Variants in AP3B1 observed in about 807,000 individuals in gnomAD.
AP3B1 encodes adaptor related protein complex 3 subunit beta 1.
In AP3B1, 61 loss-of-function variants were observed where a neutral mutation model predicts 132.5. That is an observed-to-expected ratio of 0.46 (90% CI 0.37 to 0.57). The LOEUF (loss-of-function observed/expected upper bound fraction) is 0.57, where lower values mean the gene tolerates loss of function less well. AP3B1 is among the 20% of genes least tolerant of loss of function. The pLI, the probability that AP3B1 is intolerant of heterozygous loss-of-function variation, is 0.00. For missense variants in AP3B1, 1,120 were observed against 1,289.4 expected, an observed-to-expected ratio of 0.87 and a Z score of 2.01; for synonymous variants, 388 against 438.3, an observed-to-expected ratio of 0.89 and a Z score of 1.43.
Position 78,039,157 on chromosome 5 carries a change from T to C in AP3B1, c.2695A>G (p.Met899Val). The C allele has an allele frequency of 6.2e-7, 1 of 1,613,756 alleles. No individual in the cohort carries two copies. Among genetic ancestry groups the C allele is most frequent in the Non-Finnish European group, 8.5e-7 (1 of 1,179,676 alleles). Residue 899 changes from methionine (M) to valine (V), a missense_variant, in exon 23 of 27, where the codon ATG (methionine) becomes GTG (valine). Physicochemically the swap from Met to Val is conservative, Grantham distance 21. Around this residue, in one of 3 missense-constraint regions of AP3B1, gnomAD observed 906 missense variants for 997.1 expected, o/e 0.91. Transcript: ENST00000255194. Reference protein sequence around the residue: ...PRQPCIFGDKMVSIQITLNNT... With the variant: ...PRQPCIFGDKVVSIQITLNNT... ...TTCAGTGTTATTTGTATAGAGACCATCTTATCACCAAAAATGCAAGGCTGT... is the reference window on the plus strand; with the variant it reads ...TTCAGTGTTATTTGTATAGAGACCACCTTATCACCAAAAATGCAAGGCTGT...
At position 78,133,038 on chromosome 5, in the gene AP3B1, T is replaced by C. The variant is rs573236711; in HGVS notation, c.1651-3731A>G. On this transcript the variant is annotated intron_variant, in intron 15 of 26. Coordinates refer to ENST00000255194, the MANE Select transcript of AP3B1 (RefSeq NM_003664.5). ...GACAGGACTATTCAGTCTTTACTCCTGCACATATTTCACCTATAACCAACC... is the reference window on the plus strand; with the variant it reads ...GACAGGACTATTCAGTCTTTACTCCCGCACATATTTCACCTATAACCAACC... Among the ~76,000 whole-genome samples, 7 of 152,344 alleles carry C rather than the reference T, an allele frequency of 4.6e-5. No individual in the cohort carries two copies. The East Asian group carries it at 7.7e-4, about 17-fold the overall frequency.
At chr5:78,007,042 AT>A (rs1425312463) in intron 26 of AP3B1, among the ~76,000 whole-genome samples, 1 of 152,266 alleles carries the variant, frequency 6.6e-6, no homozygotes, top group Non-Finnish European at 1.5e-5. Flanking sequence ...TTTGAAAAAA[AT>A]CTAATATCTA....
intron 15 of AP3B1, among the ~76,000 whole-genome samples, chr5:78,135,540 TTAAATAAA>T (rs3050114): frequency 0.29 from 43,224 of 151,174 alleles, 6,512 homozygotes; most frequent in Admixed American, 0.39. Flanking sequence ...ACATCTTACA[TTAAATAAA>T]TAAATAAATA....
intron 1 of AP3B1, among the ~76,000 whole-genome samples, chr5:78,271,337 C>T (rs151292615): frequency 0.013 from 1,923 of 152,280 alleles, 48 homozygotes; most frequent in African/African-American, 0.044. Context: ...AGGATAATTG[C>T]TTGAATCTGG....
At chr5:78,102,493 T>C (rs188728029) in intron 20 of AP3B1, among the ~76,000 whole-genome samples, 1 of 152,122 alleles carries the variant, frequency 6.6e-6, no homozygotes, top group Non-Finnish European at 1.5e-5. Context: ...TGTCCCTCTC[T>C]CCATTTCTCA....
intron 22 of AP3B1, among the ~76,000 whole-genome samples, chr5:78,044,801 G>T (rs1748251102): frequency 6.6e-6 from 1 of 152,096 alleles, no homozygotes; most frequent in South Asian, 2.1e-4. Flanking sequence ...TTTCAACTTT[G>T]TCTCAAAATT....
chr5:78,223,298 T>C (rs890196530), intron 6 of AP3B1, among the ~76,000 whole-genome samples: 1 of 152,036 alleles, frequency 6.6e-6, no homozygotes, highest in Non-Finnish European at 1.5e-5. Context: ...AAAAGAAATA[T>C]GTATTCTTAA....
rs886060775 is a variant in AP3B1, at chr5:78,216,121, C to T, written c.720G>A (p.Gly240=). Residue 240 remains glycine, a synonymous_variant, in exon 7 of 27, where the codon GGG becomes GGA. Transcript: ENST00000255194. ...CNLLVDVEEW[G]QVVIIHMLTR... ...TTAGCATGTGGATTATGACAACCTG[C>T]CCCCACTCTTCAACATCCACTAGTA... 3 of 1,614,042 alleles carry T rather than the reference C, an allele frequency of 1.9e-6. No individual in the cohort carries two copies. In the South Asian group the frequency reaches 3.3e-5, roughly 18 times the overall value.
At chr5:78,116,909 C>A (rs1030476514) in intron 17 of AP3B1, among the ~76,000 whole-genome samples, 3 of 152,036 alleles carry the variant, frequency 2.0e-5, no homozygotes, top group Admixed American at 2.0e-4. Context: ...CCTTTTTGGC[C>A]TGAAACCCTG....
chr5:78,022,322 A>G (rs1029570948), intron 24 of AP3B1, among the ~76,000 whole-genome samples: 2 of 152,180 alleles, frequency 1.3e-5, no homozygotes, highest in African/African-American at 2.4e-5. Flanking sequence ...GGCAGGCACT[A>G]CCTTAGGTAT....
chr5:78,115,419 T>G (rs1317231674), intron 18 of AP3B1, among the ~76,000 whole-genome samples: 1 of 152,202 alleles, frequency 6.6e-6, no homozygotes, highest in Non-Finnish European at 1.5e-5. Flanking sequence ...TAAGTGTTAA[T>G]AAGAGCATCA....
intron 22 of AP3B1, among the ~76,000 whole-genome samples, chr5:78,062,017 AC>A (rs1311258454): frequency 6.6e-6 from 1 of 152,160 alleles, no homozygotes; most frequent in African/African-American, 2.4e-5. Flanking sequence ...ACAGTTTAAC[AC>A]TCACTACAAG....
At chr5:78,129,022 A>C in intron 16 of AP3B1, 99 bp downstream of exon 16, 1 of 1,002,028 alleles carries the variant, frequency 1.0e-6, no homozygotes. Flanking sequence ...CGAATCATTT[A>C]TATTTCCTAA....
chr5:78,168,025 A>AC (rs1561453077), intron 11 of AP3B1, among the ~76,000 whole-genome samples: 2 of 151,486 alleles, frequency 1.3e-5, no homozygotes, highest in African/African-American at 4.8e-5. Flanking sequence ...AAAAAAAAAA[A>AC]AAACAAAAAA....
intron 14 of AP3B1, among the ~76,000 whole-genome samples, chr5:78,148,445 T>C (rs1432611654): frequency 6.6e-6 from 1 of 152,194 alleles, no homozygotes; most frequent in East Asian, 1.9e-4. Context: ...TATTTTTACC[T>C]TACTACTTTT....
intron 17 of AP3B1, among the ~76,000 whole-genome samples, chr5:78,124,450 C>A (rs1752377557): frequency 6.6e-6 from 1 of 152,184 alleles, no homozygotes; most frequent in African/African-American, 2.4e-5. Flanking sequence ...GTAGCTCATA[C>A]CTGTACTCTC....
chr5:78,188,607 G>C (rs976955990), intron 7 of AP3B1, among the ~76,000 whole-genome samples: 1 of 152,090 alleles, frequency 6.6e-6, no homozygotes, highest in African/African-American at 2.4e-5. Flanking sequence ...GGAGAAATAG[G>C]AATGCTTTTA....
At chr5:78,262,205 T>C (rs1748123305) in intron 2 of AP3B1, among the ~76,000 whole-genome samples, 1 of 152,232 alleles carries the variant, frequency 6.6e-6, no homozygotes, top group Non-Finnish European at 1.5e-5. Flanking sequence ...CAGAGTCCTA[T>C]GATGCACACA....
intron 22 of AP3B1, among the ~76,000 whole-genome samples, chr5:78,061,942 A>G (rs1749079286): frequency 6.6e-6 from 1 of 152,230 alleles, no homozygotes; most frequent in Non-Finnish European, 1.5e-5. Flanking sequence ...TGAAACCAGC[A>G]GTCACCTTCA....
Sources: gnomAD v4.1 joint callset for allele counts (sites outside exome capture counted in the v4.1 genomes callset) on GRCh38, gnomAD v4.1.1 for gene constraint, gnomAD v4.1.1 regional missense constraint, MANE v1.5 for transcripts, NCBI Gene and HGNC (gene_info 2026-07-23, HGNC 2026-07-21) for gene names.